The following CAMK2D variants were observed in gnomAD, a reference collection of about 807,000 sequenced individuals.
CAMK2D encodes the protein calcium/calmodulin dependent protein kinase II delta, also known as calcium/calmodulin-dependent protein kinase type II subunit delta.
A neutral mutation model predicts 84.0 loss-of-function variants in CAMK2D; 37 were observed. That is an observed-to-expected ratio of 0.44 (90% confidence interval 0.34 to 0.58). The LOEUF (loss-of-function observed/expected upper bound fraction) is 0.58, where lower values mean the gene tolerates loss of function less well. CAMK2D is among the 20% of genes least tolerant of loss of function. The pLI is 0.02. For synonymous variants in CAMK2D, 202 were observed against 212.5 expected (o/e 0.95, Z 0.43); for missense variants, 448 against 652.5 (o/e 0.69, Z 3.41).
At chr4:113,748,376 G>A (rs2099609515) in intron 2 of CAMK2D, among the ~76,000 whole-genome samples, 1 of 151,876 alleles carries the variant, frequency 6.6e-6, no homozygotes. Context: ...TGTCATTGGT[G>A]GAAACACACA....
chr4:113,747,237 A>G (rs554338020), intron 2 of CAMK2D, among the ~76,000 whole-genome samples: 3 of 151,508 alleles, frequency 2.0e-5, no homozygotes, highest in Admixed American at 1.3e-4. Context: ...AGAAGTGACT[A>G]TTTCCCTACT....
At chr4:113,493,073 T>C (rs1157804524) in intron 16 of CAMK2D, among the ~76,000 whole-genome samples, 1 of 139,678 alleles carries the variant, frequency 7.2e-6, no homozygotes, top group East Asian at 2.0e-4. Context: ...TACAGCACAC[T>C]GATGGGTCTT....
At chr4:113,505,110 C>T in intron 13 of CAMK2D, 75 bp from the exon 14 acceptor site, 1 of 782,998 alleles carries the variant, frequency 1.3e-6, no homozygotes, top group South Asian at 1.8e-5. Flanking sequence ...TGCAGCATGT[C>T]TACATAGAGA....
intron 16 of CAMK2D, among the ~76,000 whole-genome samples, chr4:113,499,391 C>T (rs1426523576): frequency 6.6e-6 from 1 of 152,172 alleles, no homozygotes; most frequent in African/African-American, 2.4e-5. Context: ...ATCAGCTGTT[C>T]TATTCAAACA....
At chr4:113,535,574 T>C (rs2098484223) in intron 7 of CAMK2D, among the ~76,000 whole-genome samples, 2 of 152,186 alleles carry the variant, frequency 1.3e-5, no homozygotes, top group South Asian at 4.1e-4. Context: ...ATAAAATCAT[T>C]TCCTGCCTCA....
In CAMK2D at chr4:113,761,527, C is replaced by A. The variant is rs1478005672; in HGVS notation, c.-459G>T. The stretch of plus-strand genomic sequence containing the variant: ...GGGGCGGAGGTGGAGTGCAGCGGGG[C>A]CGAGGCCGCGGAGCCCAGAGCGGAC... On this transcript the variant is annotated 5_prime_UTR_variant, in exon 1 of 21. Transcript: ENST00000511664. 2 of 1,007,122 alleles carry A rather than the reference C, an allele frequency of 2.0e-6. No homozygotes were observed. Among genetic ancestry groups the A allele is most frequent in the Non-Finnish European group, 2.4e-6 (2 of 843,134 alleles). 62.4% of individuals were successfully genotyped at this position (1,007,122 alleles called of 1,614,324 possible).
chr4:113,761,118 G>T lies in CAMK2D; in HGVS notation c.-50C>A. 6.2e-7 allele frequency: 1 copy of T among 1,612,010 alleles called. No homozygotes were observed. On this transcript the variant is annotated 5_prime_UTR_variant, in exon 1 of 21. Coordinates refer to ENST00000511664, the MANE Select transcript of CAMK2D (RefSeq NM_001321571.2). ...TGGGAGCGCGACGGACCAGAAGCGA[G>T]CAGACGCGCGGCTAACCCCGGGACT...
intron 2 of CAMK2D, among the ~76,000 whole-genome samples, chr4:113,710,832 A>C (rs1167055383): frequency 6.6e-6 from 1 of 152,192 alleles, no homozygotes; most frequent in Non-Finnish European, 1.5e-5. Flanking sequence ...CATACTGAAA[A>C]ATGGGAAACT....
intron 3 of CAMK2D, among the ~76,000 whole-genome samples, chr4:113,619,539 C>T (rs778386682): frequency 1.3e-5 from 2 of 152,146 alleles, no homozygotes; most frequent in Non-Finnish European, 1.5e-5. Flanking sequence ...CATTGCACTC[C>T]AACTTCATTG....
At chr4:113,527,599 A>G (rs1228187348) in intron 8 of CAMK2D, among the ~76,000 whole-genome samples, 1 of 152,284 alleles carries the variant, frequency 6.6e-6, no homozygotes, top group African/African-American at 2.4e-5. Flanking sequence ...GTTTGCCTGT[A>G]TATGCTTCAT....
At chr4:113,637,200 C>T (rs1447556212) in intron 3 of CAMK2D, among the ~76,000 whole-genome samples, 1 of 152,102 alleles carries the variant, frequency 6.6e-6, no homozygotes, top group Non-Finnish European at 1.5e-5. Flanking sequence ...GTCAGCTTTG[C>T]TTATTGATGT....
At chr4:113,460,439 T>C (rs1325933750) in intron 17 of CAMK2D, among the ~76,000 whole-genome samples, 198 bp from the exon 18 acceptor site, 1 of 152,082 alleles carries the variant, frequency 6.6e-6, no homozygotes, top group Non-Finnish European at 1.5e-5. Flanking sequence ...CAGAGAACTC[T>C]GATAGGAACA....
Position 113,761,521 on chromosome 4 carries a change from G to C in CAMK2D, c.-453C>G. 9.9e-7 allele frequency: 1 copy of C among 1,013,072 alleles called. No individual in the cohort carries two copies. Among genetic ancestry groups the C allele is most frequent in the Non-Finnish European group, 1.2e-6 (1 of 846,632 alleles). The allele number at this position is 1,013,072 out of a possible 1,614,324, so 62.8% of individuals were successfully genotyped here. ...TCCGAGGGGGCGGAGGTGGAGTGCA[G>C]CGGGGCCGAGGCCGCGGAGCCCAGA... On this transcript the variant is annotated 5_prime_UTR_variant, in exon 1 of 21. Transcript: ENST00000511664.
chr4:113,699,383 T>C (rs761513785), intron 2 of CAMK2D, among the ~76,000 whole-genome samples: 2 of 152,158 alleles, frequency 1.3e-5, no homozygotes, highest in African/African-American at 2.4e-5. Flanking sequence ...TTAAGTGCTA[T>C]TGATTCCTTT....
chr4:113,700,275 TAAGTA>T (rs1269114234), intron 2 of CAMK2D, among the ~76,000 whole-genome samples: 2 of 152,326 alleles, frequency 1.3e-5, no homozygotes, highest in African/African-American at 4.8e-5. Context: ...CAATAAAATT[TAAGTA>T]AAGTATATTC....
chr4:113,709,748 T>TATATAC lies in CAMK2D; in HGVS notation c.161-47977_161-47976insGTATAT, dbSNP rs1231041247. Among the ~76,000 whole-genome samples the TATATAC allele has an allele frequency of 5.2e-3, 342 of 66,036 alleles. 39 individuals are homozygous for TATATAC. The highest frequency in any genetic ancestry group is 0.024 in the African/African-American group (312 of 13,268). The allele number at this position is 66,036 out of a possible 152,430, so 43.3% of individuals were successfully genotyped here. On this transcript the variant is annotated intron_variant, in intron 2 of 20. Coordinates refer to ENST00000511664, the MANE Select transcript of CAMK2D (RefSeq NM_001321571.2). ...GTGAAAAGCTAAAAGCCGTGAACGATATATATATATATATATATATATATA... is the reference window on the plus strand; with the variant it reads ...GTGAAAAGCTAAAAGCCGTGAACGATATATACATATATATATATATATATATATATA...
intron 16 of CAMK2D, among the ~76,000 whole-genome samples, chr4:113,494,741 C>G (rs10024276): frequency 0.5 from 76,403 of 151,466 alleles, 19,722 homozygotes; most frequent in African/African-American, 0.57. Flanking sequence ...CCCCCAGCCT[C>G]GCTGCCGCCT....
intron 8 of CAMK2D, among the ~76,000 whole-genome samples, chr4:113,526,572 A>C (rs1170020929): frequency 6.6e-6 from 1 of 152,182 alleles, no homozygotes; most frequent in African/African-American, 2.4e-5. Context: ...TCTTCCAGAC[A>C]AGAAAGTTAG....
intron 12 of CAMK2D, among the ~76,000 whole-genome samples, chr4:113,512,329 G>A (rs540273875): frequency 6.6e-6 from 1 of 152,204 alleles, no homozygotes; most frequent in Non-Finnish European, 1.5e-5. Flanking sequence ...CTTTTAGAGA[G>A]TGACGCTTAC....
Sources: allele counts gnomAD v4.1 joint callset (sites outside exome capture counted in the v4.1 genomes callset), GRCh38; gene constraint gnomAD v4.1.1; transcripts MANE v1.5; gene names NCBI Gene and HGNC (gene_info 2026-07-23, HGNC 2026-07-21).